The following ARIH2 variants were observed in gnomAD, a reference collection of about 807,000 sequenced individuals.
ARIH2 encodes the protein E3 ubiquitin-protein ligase ARIH2.
Under a neutral mutation model 79.8 loss-of-function variants are expected in ARIH2, and 12 were observed. That is an observed-to-expected ratio of 0.15 (90% confidence interval 0.10 to 0.24). The LOEUF is 0.24. Among genes scored for constraint, ARIH2 ranks in the 10% least tolerant of loss-of-function variants. The pLI is 1.00. For synonymous variants in ARIH2, 224 were observed against 213.9 expected (o/e 1.05, Z -0.41); for missense variants, 301 against 618.3 (o/e 0.49, Z 5.44).
Position 48,918,968 on chromosome 3 carries a change from G to C in ARIH2, c.-192G>C, listed in dbSNP as rs781359004. On this transcript the variant is annotated 5_prime_UTR_variant, in exon 1 of 16. Transcript: ENST00000356401. The stretch of plus-strand genomic sequence containing the variant: ...CGGCCTGACCCGGTCTGGCTTGTTC[G>C]GGCTCAGCGGCCGCGAGGCCGCAGC... 3.0e-5 allele frequency: 45 copies of C among 1,484,940 alleles called. No individual in the cohort carries two copies. The highest frequency in any genetic ancestry group is 3.9e-5 in the Non-Finnish European group (44 of 1,125,770). The allele number at this position is 1,484,940 out of a possible 1,614,324, so 92.0% of individuals were successfully genotyped here.
At chr3:48,973,617 G>C in intron 8 of ARIH2, 82 bp from the exon 9 acceptor site, 1 of 757,580 alleles carries the variant, frequency 1.3e-6, no homozygotes, top group East Asian at 2.9e-5. Context: ...TTCATGATTT[G>C]TTGGCTTGGA....
chr3:48,958,084 C>T (rs960459608), intron 3 of ARIH2, among the ~76,000 whole-genome samples: 1 of 152,146 alleles, frequency 6.6e-6, no homozygotes, highest in African/African-American at 2.4e-5. Context: ...GGTCAAAACT[C>T]CCGTGCTGCA....
chr3:48,957,025 A>G (rs571923033), intron 3 of ARIH2, among the ~76,000 whole-genome samples: 1 of 152,218 alleles, frequency 6.6e-6, no homozygotes, highest in African/African-American at 2.4e-5. Context: ...TCCTATACGT[A>G]TTGATGTCCT....
At chr3:48,919,019 A>C in intron 1 of ARIH2, 21 bp downstream of exon 1, 1 of 1,423,026 alleles carries the variant, frequency 7.0e-7, no homozygotes, top group Non-Finnish European at 9.1e-7. Context: ...GGCGCACGTC[A>C]CGGCCTTGTT....
chr3:48,983,292 G>A lies in ARIH2; in HGVS notation c.*22G>A. ...CTAAGTTGGGATGTGGATGTGCCGG[G>A]GTGAGGAAGATGTGGCTGCAAGGTC... On this transcript the variant is annotated 3_prime_UTR_variant, in exon 16 of 16. Coordinates refer to ENST00000356401, the MANE Select transcript of ARIH2 (RefSeq NM_006321.4). The A allele has an allele frequency of 6.2e-7, 1 of 1,613,612 alleles. No individual in the cohort carries two copies.
intron 3 of ARIH2, among the ~76,000 whole-genome samples, chr3:48,960,635 A>G (rs1457988516): frequency 6.6e-6 from 1 of 151,802 alleles, no homozygotes; most frequent in African/African-American, 2.4e-5. Context: ...ATGGTGGCGC[A>G]TGCCTGTAAT....
At chr3:48,924,679 C>G (rs2085312223) in intron 2 of ARIH2, 1 of 151,626 alleles carries the variant, frequency 6.6e-6, no homozygotes, top group Admixed American at 6.6e-5. Context: ...CCCTGCCAAG[C>G]TAATTTATTT....
rs186178542 is a variant in ARIH2, at chr3:48,983,647, C to G, written c.*377C>G. 2.5e-3 allele frequency: 466 copies of G among 190,138 alleles called. 7 individuals are homozygous for G. In the Middle Eastern group the frequency reaches 0.025, roughly 10 times the overall value. The allele number at this position is 190,138 out of a possible 1,614,324, so 11.8% of individuals were successfully genotyped here. On this transcript the variant is annotated 3_prime_UTR_variant, in exon 16 of 16. Transcript: ENST00000356401. ...GCAAACTATAGGATAACACAGAGCCCTTTTTGAAAATAAATTGGCATTGGA... is the reference window on the plus strand; with the variant it reads ...GCAAACTATAGGATAACACAGAGCCGTTTTTGAAAATAAATTGGCATTGGA...
chr3:48,925,337 T>C (rs910849157), intron 2 of ARIH2: 2 of 151,364 alleles, frequency 1.3e-5, no homozygotes, highest in African/African-American at 4.9e-5. Context: ...ATGGTCTCGA[T>C]CTCCCGACCT....
chr3:48,928,029 A>G, intron 3 of ARIH2: 2 of 581,618 alleles, frequency 3.4e-6, no homozygotes, highest in Non-Finnish European at 5.9e-6. Context: ...AGTAAGAATT[A>G]GAAAGTAGGG....
At chr3:48,923,515 T>C (rs957205995) in intron 2 of ARIH2, among the ~76,000 whole-genome samples, 5 of 151,622 alleles carry the variant, frequency 3.3e-5, no homozygotes, top group African/African-American at 1.2e-4. Flanking sequence ...AACTTAGATA[T>C]AGTGAGTGTT....
intron 3 of ARIH2, among the ~76,000 whole-genome samples, chr3:48,941,751 C>T (rs1471005722): frequency 6.6e-6 from 1 of 151,692 alleles, no homozygotes; most frequent in Non-Finnish European, 1.5e-5. Context: ...TGCCACCACG[C>T]CCGGCTAATT....
rs1192565574 is a variant in ARIH2 at position 48,920,969 on chromosome 3, A to AT, written c.-161-1774dup. ...CACTTTTTCTTTCTTTCATTTATTT[A>AT]TTTTTATTTTTGAGTCCCGCTCTGT... On this transcript the variant is annotated intron_variant, in intron 1 of 15. Coordinates refer to ENST00000356401, the MANE Select transcript of ARIH2 (RefSeq NM_006321.4). Among the ~76,000 whole-genome samples the AT allele has an allele frequency of 3.0e-5, 2 of 67,404 alleles. 1 individual carries two copies. The highest frequency in any genetic ancestry group is 5.9e-5 in the Non-Finnish European group (2 of 34,178). The allele number at this position is 67,404 out of a possible 152,430, so 44.2% of individuals were successfully genotyped here.
At chr3:48,983,125 G>T (rs1388301228) in intron 15 of ARIH2, 74 bp from the exon 16 acceptor site, 1 of 1,564,926 alleles carries the variant, frequency 6.4e-7, no homozygotes, top group Non-Finnish European at 8.8e-7. Context: ...GTCCTGGAGG[G>T]TGTTTGTGGC....
At chr3:48,922,718 AAAATAT>A (rs2084990392) in intron 1 of ARIH2, 24 bp from the exon 2 acceptor site, 1 of 152,232 alleles carries the variant, frequency 6.6e-6, no homozygotes, top group African/African-American at 2.4e-5. Context: ...ACCAGCTTTA[AAAATAT>A]AAATATAATT....
chr3:48,979,736 T>C, intron 12 of ARIH2, 103 bp downstream of exon 12: 1 of 1,287,760 alleles, frequency 7.8e-7, no homozygotes, highest in South Asian at 1.4e-5. Flanking sequence ...CCTGTGCACA[T>C]AGAAGTCAGT....
chr3:48,937,978 C>T (rs929560075), intron 3 of ARIH2, among the ~76,000 whole-genome samples: 1 of 141,096 alleles, frequency 7.1e-6, no homozygotes, highest in Non-Finnish European at 1.5e-5. Flanking sequence ...ACCTGGGAGG[C>T]GGAGCTTGCA....
In ARIH2 at chr3:48,927,441, A is replaced by T. The variant is rs933464866; in HGVS notation, c.-97-21A>T. ...TTGTCATGGGGAAAAAGTAACACTT[A>T]TTTTTTTTTTCCTCCCTTAGAAGAC... On this transcript the variant is annotated intron_variant, in intron 2 of 15. Transcript: ENST00000356401. 72 of 1,179,114 alleles carry T rather than the reference A, an allele frequency of 6.1e-5. No individual in the cohort carries two copies. In the Admixed American group the frequency reaches 8.1e-4, roughly 13 times the overall value. The allele number at this position is 1,179,114 out of a possible 1,614,324, so 73.0% of individuals were successfully genotyped here.
At chr3:48,934,549 A>C (rs2086854315) in intron 3 of ARIH2, 1 of 985,236 alleles carries the variant, frequency 1.0e-6, no homozygotes, top group Non-Finnish European at 1.2e-6. Context: ...ATCTGATGTG[A>C]GCTGTCTTTG....
Sources: allele counts gnomAD v4.1 joint callset (sites outside exome capture counted in the v4.1 genomes callset), GRCh38; gene constraint gnomAD v4.1.1; transcripts MANE v1.5; gene names NCBI Gene and HGNC (gene_info 2026-07-23, HGNC 2026-07-21).